B3GNT8: variants seen among roughly 807,000 people sequenced by gnomAD.
B3GNT8 encodes the protein UDP-GlcNAc:betaGal beta-1,3-N-acetylglucosaminyltransferase 8, also known as N-acetyllactosaminide beta-1,3-N-acetylglucosaminyltransferase 8.
For synonymous variants in B3GNT8, 258 were observed against 238.3 expected, an observed-to-expected ratio of 1.08 and a Z score of -0.76; for missense variants, 502 against 530.5, an observed-to-expected ratio of 0.95 and a Z score of 0.53.
chr19:41,425,591 C>T lies in B3GNT8; in HGVS notation c.1188G>A (p.Gln396=). ...CCGCCCTCCCCAATGAGAGTCAGCACTGGAGCCTTGGGTCTTGCAGTTGTT... is the reference window on the plus strand; with the variant it reads ...CCGCCCTCCCCAATGAGAGTCAGCATTGGAGCCTTGGGTCTTGCAGTTGTT... ...LWKQLQDPRL[Q]C is the part of the protein sequence containing the mutation. The change falls in exon 2 of 2, where the codon CAG becomes CAA. Residue 396 remains glutamine (Q), a synonymous_variant. Coordinates refer to ENST00000691102, the MANE Select transcript of B3GNT8 (RefSeq NM_001385648.2). 1 of 1,505,842 alleles carries T rather than the reference C, an allele frequency of 6.6e-7. No individual in the cohort carries two copies. Among genetic ancestry groups the T allele is most frequent in the Non-Finnish European group, 8.9e-7 (1 of 1,127,044 alleles). 93.3% of individuals were successfully genotyped at this position (1,505,842 alleles called of 1,614,324 possible).
chr19:41,425,372 T>G lies in B3GNT8; in HGVS notation c.*213A>C. 2 of 369,540 alleles carry G rather than the reference T, an allele frequency of 5.4e-6. No homozygotes were observed. Among genetic ancestry groups the G allele is most frequent in the Non-Finnish European group, 9.7e-6 (2 of 206,990 alleles). 22.9% of individuals were successfully genotyped at this position (369,540 alleles called of 1,614,324 possible). A position where few individuals can be genotyped will look rare whatever the true frequency, so the allele number is the denominator to read the frequency against. On this transcript the variant is annotated 3_prime_UTR_variant, in exon 2 of 2. Coordinates refer to ENST00000691102, the MANE Select transcript of B3GNT8 (RefSeq NM_001385648.2). ...CAACCCCAGGCCTCAGAGTGGGGAG[T>G]GCATGTTTTTCAAAAACAAAAAGTA...
Position 41,426,845 on chromosome 19 carries a change from T to C in B3GNT8, c.-32-35A>G, listed in dbSNP as rs961092339. On this transcript the variant is annotated intron_variant, in intron 1 of 1. Transcript: ENST00000691102. This position sits in a 1 kb window ranked among gnomAD's most constrained non-coding sequence, Gnocchi z 4.9. The stretch of plus-strand genomic sequence containing the variant: ...AGCCACAGGGGAGCCACGGAGGCCA[T>C]TGGGGTGTGGGGATGGGCCTCCAGA... 24 of 1,535,102 alleles carry C rather than the reference T, an allele frequency of 1.6e-5. No homozygotes were observed. The highest frequency in any genetic ancestry group is 8.2e-5 in the African/African-American group (6 of 73,550).
In B3GNT8 at chr19:41,426,174, T is replaced by A. The variant is rs1345456945; in HGVS notation, c.605A>T (p.Glu202Val). 1.9e-6 allele frequency: 3 copies of A among 1,613,760 alleles called. No homozygotes were observed. The highest frequency in any genetic ancestry group is 2.5e-6 in the Non-Finnish European group (3 of 1,179,880). ...CAGCAGGTCACTGTAGCGACGGCTCTCCCAGGCCACTAGTGAGTCTAGGTC... is the reference window on the plus strand; with the variant it reads ...CAGCAGGTCACTGTAGCGACGGCTCACCCAGGCCACTAGTGAGTCTAGGTC... ...GPDLDSLVAW[E>V]SRRYSDLLLW... The change falls in exon 2 of 2, where the codon GAG (glutamate) becomes GTG (valine). Residue 202 changes from glutamate to valine, a missense_variant. By Grantham distance (121) the Glu-to-Val change is moderately radical. Coordinates refer to ENST00000691102, the MANE Select transcript of B3GNT8 (RefSeq NM_001385648.2). This position sits in a 1 kb window ranked among gnomAD's most constrained non-coding sequence, Gnocchi z 4.9.
rs766987209 is a variant in B3GNT8 at position 41,425,840 on chromosome 19, G to A, written c.939C>T (p.Ala313=). The A allele has an allele frequency of 4.0e-5, 65 of 1,612,964 alleles. No homozygotes were observed. Among genetic ancestry groups the A allele is most frequent in the South Asian group, 1.8e-4 (16 of 91,090 alleles). ...GCAGCAGCCAGGGTGCCAGGCGCCC[G>A]GCAATGACGTAGCCACCCCCGCTTG... is the stretch of plus-strand genomic sequence containing the variant. ...AYASGGGYVI[A]GRLAPWLLRA... The change falls in exon 2 of 2, where the codon GCC becomes GCT. Residue 313 remains alanine, a synonymous_variant. Coordinates refer to ENST00000691102, the MANE Select transcript of B3GNT8 (RefSeq NM_001385648.2).
rs1339653299 is a variant in B3GNT8, at chr19:41,426,753, C to A, written c.26G>T (p.Cys9Phe). ...CAGGAGTGTGAGCAGTGCTGACAGG[C>A]AGAGAAGGCACTTGGGGCAGCGCAT... MRCPKCLLCLSALLTLLGL... is the reference protein window; with the variant it reads MRCPKCLLFLSALLTLLGL... The change falls in exon 2 of 2, where the codon TGC (cysteine) becomes TTC (phenylalanine). Residue 9 changes from cysteine to phenylalanine, a missense_variant. Cys to Phe is a radical substitution (Grantham distance 205). Transcript: ENST00000691102. This position sits in a 1 kb window ranked among gnomAD's most constrained non-coding sequence, Gnocchi z 4.9. The A allele has an allele frequency of 6.2e-7, 1 of 1,612,574 alleles. No homozygotes were observed. The highest frequency in any genetic ancestry group is 8.5e-7 in the Non-Finnish European group (1 of 1,179,932).
In B3GNT8 at chr19:41,425,827, G is replaced by T; in HGVS notation, c.952C>A (p.Pro318Thr). 3 of 1,613,054 alleles carry T rather than the reference G, an allele frequency of 1.9e-6. No homozygotes were observed. Among genetic ancestry groups the T allele is most frequent in the Non-Finnish European group, 2.5e-6 (3 of 1,179,948 alleles). ...CGGGCTGCCGCCCGCAGCAGCCAGGGTGCCAGGCGCCCGGCAATGACGTAG... is the reference window on the plus strand; with the variant it reads ...CGGGCTGCCGCCCGCAGCAGCCAGGTTGCCAGGCGCCCGGCAATGACGTAG... ...GGYVIAGRLA[P>T]WLLRAAARVA... Residue 318 changes from proline to threonine, a missense_variant, in exon 2 of 2, where the codon CCC (proline) becomes ACC (threonine). Coordinates refer to ENST00000691102, the MANE Select transcript of B3GNT8 (RefSeq NM_001385648.2).
In B3GNT8 at chr19:41,426,406, G is replaced by A. The variant is rs571571024; in HGVS notation, c.373C>T (p.Arg125Trp). ...CCAGGCAGCCACTGTGGGAAGCTCC[G>A]GCAGGCTGCTGACAGCAAGAAGCGG... ...LRRFLLSAAC[R>W]SFPQWLPGGG... Residue 125 changes from arginine to tryptophan, a missense_variant, in exon 2 of 2, where the codon CGG becomes TGG. Coordinates refer to ENST00000691102, the MANE Select transcript of B3GNT8 (RefSeq NM_001385648.2). The surrounding 1 kb of genome is among the most constrained non-coding windows in gnomAD (Gnocchi z 4.9). 80 of 1,612,138 alleles carry A rather than the reference G, an allele frequency of 5.0e-5. No individual in the cohort carries two copies. Among genetic ancestry groups the A allele is most frequent in the South Asian group, 4.1e-4 (37 of 91,086 alleles).
Position 41,425,597 on chromosome 19 carries a change from C to G in B3GNT8, c.1182G>C (p.Arg394Ser), listed in dbSNP as rs141923404. 4.3e-4 allele frequency: 656 copies of G among 1,509,142 alleles called. 4 individuals carry two copies. In the African/African-American group the frequency reaches 8.0e-3, roughly 18 times the overall value. The allele number at this position is 1,509,142 out of a possible 1,614,324, so 93.5% of individuals were successfully genotyped here. A position where few individuals can be genotyped will look rare whatever the true frequency, so the allele number is the denominator to read the frequency against. ...TCCCCAATGAGAGTCAGCACTGGAG[C>G]CTTGGGTCTTGCAGTTGTTTCCAGA... ...IRLWKQLQDP[R>S]LQC Residue 394 changes from arginine to serine, a missense_variant, in exon 2 of 2, where the codon AGG becomes AGC. Physicochemically the swap from Arg to Ser is moderately radical, Grantham distance 110. Transcript: ENST00000691102.
upstream of B3GNT8, among the ~76,000 whole-genome samples, chr19:41,428,092 T>A (rs2039453725): frequency 1.3e-5 from 2 of 151,048 alleles, no homozygotes; most frequent in Non-Finnish European, 3.0e-5. This position sits in a 1 kb window ranked among gnomAD's most constrained non-coding sequence, Gnocchi z 6.1. Flanking sequence ...TGTGGGGTGC[T>A]CATGGGGAAA....
rs866851414 is a variant in B3GNT8 at position 41,426,369 on chromosome 19, C to G, written c.410G>C (p.Ser137Thr). 6.2e-7 allele frequency: 1 copy of G among 1,612,808 alleles called. No individual in the cohort carries two copies. Among genetic ancestry groups the G allele is most frequent in the Non-Finnish European group, 8.5e-7 (1 of 1,179,928 alleles). ...AGTATCTGAGCAGCTGGAGACTTGG[C>G]TGCCACCACCTCCAGGCAGCCACTG... ...FPQWLPGGGG[S>T]QVSSCSDTDV... Residue 137 changes from serine (S) to threonine (T), a missense_variant, in exon 2 of 2, where the codon AGC (serine) becomes ACC (threonine). Transcript: ENST00000691102. The surrounding 1 kb of genome is among the most constrained non-coding windows in gnomAD (Gnocchi z 4.9).
chr19:41,425,956 C>T lies in B3GNT8; in HGVS notation c.823G>A (p.Glu275Lys), dbSNP rs758605207. 2 of 1,613,282 alleles carry T rather than the reference C, an allele frequency of 1.2e-6. No homozygotes were observed. The highest frequency in any genetic ancestry group is 4.5e-5 in the East Asian group (2 of 44,860). Residue 275 changes from glutamate (E) to lysine (K), a missense_variant, in exon 2 of 2, where the codon GAG (glutamate) becomes AAG (lysine). By Grantham distance (56) the Glu-to-Lys change is moderately conservative. Coordinates refer to ENST00000691102, the MANE Select transcript of B3GNT8 (RefSeq NM_001385648.2). ...PASARSLYLG[E>K]VFTQAMPLRK... is the part of the protein sequence containing the mutation. ...AGAGGCATGGCCTGGGTAAAGACCTCACCCAGGTAGAGGCTTCGGGCCGAG... is the reference window on the plus strand; with the variant it reads ...AGAGGCATGGCCTGGGTAAAGACCTTACCCAGGTAGAGGCTTCGGGCCGAG...
chr19:41,427,012 G>C lies in B3GNT8; in HGVS notation c.-32-202C>G, dbSNP rs1233105948. On this transcript the variant is annotated intron_variant, in intron 1 of 1. Transcript: ENST00000691102. This position sits in a 1 kb window ranked among gnomAD's most constrained non-coding sequence, Gnocchi z 5.6. ...CGTTGGTCCTTATTCCTAGACCTAG[G>C]AGTCCCCCATTCCAATCCCGTACCA... Among the ~76,000 whole-genome samples, 1 of 152,044 alleles carries C rather than the reference G, an allele frequency of 6.6e-6. No individual in the cohort carries two copies. The highest frequency in any genetic ancestry group is 1.5e-5 in the Non-Finnish European group (1 of 67,986).
At chr19:41,428,224 A>G (rs1408296489), upstream of B3GNT8, among the ~76,000 whole-genome samples, 1 of 152,050 alleles carries the variant, frequency 6.6e-6, no homozygotes, top group East Asian at 1.9e-4. The surrounding 1 kb of genome is among the most constrained non-coding windows in gnomAD (Gnocchi z 6.1). Flanking sequence ...TGGAGCTTCA[A>G]GGGCAATAGA....
At position 41,425,613 on chromosome 19, in the gene B3GNT8, T is replaced by A. The variant is rs765230120; in HGVS notation, c.1166A>T (p.Gln389Leu). 6.0e-6 allele frequency: 9 copies of A among 1,512,106 alleles called. No individual in the cohort carries two copies. The highest frequency in any genetic ancestry group is 8.0e-6 in the Non-Finnish European group (9 of 1,130,924). The allele number at this position is 1,512,106 out of a possible 1,614,324, so 93.7% of individuals were successfully genotyped here. Residue 389 changes from glutamine (Q) to leucine (L), a missense_variant, in exon 2 of 2, where the codon CAA becomes CTA. By Grantham distance (113) the Gln-to-Leu change is moderately radical. Coordinates refer to ENST00000691102, the MANE Select transcript of B3GNT8 (RefSeq NM_001385648.2). Reference sequence around the variant, plus strand: ...GCACTGGAGCCTTGGGTCTTGCAGTTGTTTCCAGAGCCGAATGCTGGCCTG... The same window carrying A: ...GCACTGGAGCCTTGGGTCTTGCAGTAGTTTCCAGAGCCGAATGCTGGCCTG... ...GPQASIRLWK[Q>L]LQDPRLQC
At chr19:41,428,730 A>G (rs1370087185), upstream of B3GNT8, 2 of 152,364 alleles carry the variant, frequency 1.3e-5, no homozygotes, top group Non-Finnish European at 2.9e-5. The surrounding 1 kb of genome is among the most constrained non-coding windows in gnomAD (Gnocchi z 6.1). Flanking sequence ...CTGGAGGAAG[A>G]GAGTGGGGAG....
At position 41,426,828 on chromosome 19, in the gene B3GNT8, G is replaced by T; in HGVS notation, c.-32-18C>A. ...CGCGGGAGCTACAAGGGAGCCACAG[G>T]GGAGCCACGGAGGCCATTGGGGTGT... On this transcript the variant is annotated intron_variant, in intron 1 of 1. Coordinates refer to ENST00000691102, the MANE Select transcript of B3GNT8 (RefSeq NM_001385648.2). The surrounding 1 kb of genome is among the most constrained non-coding windows in gnomAD (Gnocchi z 4.9). 6.3e-7 allele frequency: 1 copy of T among 1,581,056 alleles called. No individual in the cohort carries two copies.
At chr19:41,428,365 C>T (rs1211557685), upstream of B3GNT8, among the ~76,000 whole-genome samples, 3 of 151,552 alleles carry the variant, frequency 2.0e-5, no homozygotes, top group East Asian at 1.9e-4. The surrounding 1 kb of genome is among the most constrained non-coding windows in gnomAD (Gnocchi z 6.1). Context: ...CCCCAACCTC[C>T]GGCCTGGAGC....
chr19:41,427,417 G>GT (rs2039448352), upstream of B3GNT8: 1 of 158,248 alleles, frequency 6.3e-6, no homozygotes, highest in Non-Finnish European at 1.4e-5. This position sits in a 1 kb window ranked among gnomAD's most constrained non-coding sequence, Gnocchi z 5.6. Context: ...GTCCAGAGGG[G>GT]CGGGGAGGGG....
chr19:41,428,234 A>G (rs1413496586), upstream of B3GNT8, among the ~76,000 whole-genome samples: 2 of 151,970 alleles, frequency 1.3e-5, no homozygotes, highest in African/African-American at 2.4e-5. The surrounding 1 kb of genome is among the most constrained non-coding windows in gnomAD (Gnocchi z 6.1). Context: ...AGGGCAATAG[A>G]GGGTGACGGG....
Sources: allele counts gnomAD v4.1 joint callset (sites outside exome capture counted in the v4.1 genomes callset), GRCh38; gene constraint gnomAD v4.1.1; non-coding constraint Gnocchi (gnomAD v3.1); transcripts MANE v1.5; gene names NCBI Gene and HGNC (gene_info 2026-07-23, HGNC 2026-07-21).